Variants in MYO3A observed in about 807,000 individuals in gnomAD.
MYO3A encodes the protein myosin-IIIa.
MYO3A carries 180 observed loss-of-function variants against 192.7 expected under a neutral mutation model. The observed-to-expected ratio is 0.93, with a 90% CI of 0.83 to 1.06. The LOEUF (loss-of-function observed/expected upper bound fraction) is 1.06. Ranked by LOEUF, MYO3A falls within the 50% of genes least tolerant of loss-of-function variation. The probability of loss-of-function intolerance (pLI) is 0.00; values close to 1 mark genes in which losing one functional copy is unlikely to be tolerated. For synonymous variants in MYO3A, 628 were observed against 645.3 expected, an observed-to-expected ratio of 0.97 and a Z score of 0.41; for missense variants, 1,896 against 1,905.0, an observed-to-expected ratio of 1.00 and a Z score of 0.09.
intron 10 of MYO3A, among the ~76,000 whole-genome samples, chr10:26,064,853 G>A (rs1475080973): frequency 6.6e-6 from 1 of 152,196 alleles, no homozygotes; most frequent in Admixed American, 6.5e-5. Flanking sequence ...TAGGTTTGGA[G>A]ACAGAGTATT....
chr10:26,164,166 A>T (rs1003797930), intron 26 of MYO3A, among the ~76,000 whole-genome samples: 3 of 151,976 alleles, frequency 2.0e-5, no homozygotes, highest in Non-Finnish European at 4.4e-5. Flanking sequence ...TGGGAAGTGA[A>T]GACGATTATT....
intron 28 of MYO3A, 46 bp downstream of exon 28, chr10:26,168,920 A>G (rs943477194): frequency 1.9e-6 from 3 of 1,557,944 alleles, no homozygotes; most frequent in Non-Finnish European, 2.6e-6. Context: ...ATCAAATCTT[A>G]TAATACTTCT....
At chr10:26,139,928 A>G (rs1840056946) in intron 20 of MYO3A, among the ~76,000 whole-genome samples, 2 of 152,170 alleles carry the variant, frequency 1.3e-5, no homozygotes, top group South Asian at 2.1e-4. Flanking sequence ...TGCCTGTAAA[A>G]TGTTCATACC....
intron 34 of MYO3A, among the ~76,000 whole-genome samples, chr10:26,207,543 C>T (rs982634050): frequency 2.6e-5 from 4 of 152,168 alleles, no homozygotes; most frequent in African/African-American, 9.7e-5. Flanking sequence ...ACTGTCCTTT[C>T]CCCATTGTGT....
At chr10:25,962,664 A>C (rs1340696169) in intron 4 of MYO3A, among the ~76,000 whole-genome samples, 1 of 152,088 alleles carries the variant, frequency 6.6e-6, no homozygotes, top group African/African-American at 2.4e-5. Flanking sequence ...TTGACTTTGC[A>C]CTGCCTTTTA....
chr10:25,949,166 T>A (rs1837045049), intron 2 of MYO3A, among the ~76,000 whole-genome samples: 2 of 152,132 alleles, frequency 1.3e-5, no homozygotes, highest in Non-Finnish European at 2.9e-5. Context: ...GTTACATGTT[T>A]ATTAATCTAT....
chr10:26,062,530 A>AAAAAAAAAAAAAAAAAGAAAAAAAAAAG (rs1554816581), intron 10 of MYO3A, among the ~76,000 whole-genome samples: 1 of 125,946 alleles, frequency 7.9e-6, no homozygotes, highest in Non-Finnish European at 1.7e-5. Context: ...AAAAAAAAAA[A>AAAAAAAAAAAAAAAAAGAAAAAAAAAAG]AAATTATGGA....
chr10:26,128,388 T>A lies in MYO3A; in HGVS notation c.2115-3T>A. On this transcript the variant is annotated splice_polypyrimidine_tract_variant and splice_region_variant and intron_variant, in intron 19 of 34. Transcript: ENST00000642920. The stretch of plus-strand genomic sequence containing the variant: ...CAAAATAATGCCTCTTCAATTCTTC[T>A]AGTGGGAATGGTGATGAGCTGAGCA... 6.2e-7 allele frequency: 1 copy of A among 1,612,572 alleles called. No individual in the cohort carries two copies.
chr10:26,062,527 A>AACAAAAAAAC (rs1564509936), intron 10 of MYO3A, among the ~76,000 whole-genome samples: 1 of 117,258 alleles, frequency 8.5e-6, no homozygotes, highest in Admixed American at 8.1e-5. Flanking sequence ...AAAAAAAAAA[A>AACAAAAAAAC]AAAAAATTAT....
intron 22 of MYO3A, 135 bp downstream of exon 22, chr10:26,145,669 C>T: frequency 1.3e-6 from 1 of 776,778 alleles, no homozygotes; most frequent in Admixed American, 2.0e-5. Context: ...CCCCCACTGG[C>T]CCTAATTATG....
intron 20 of MYO3A, among the ~76,000 whole-genome samples, chr10:26,137,876 T>G (rs1169162666): frequency 6.6e-6 from 1 of 152,208 alleles, no homozygotes; most frequent in Admixed American, 6.5e-5. Flanking sequence ...CTGGTAAATT[T>G]GAGGTCAGAC....
intron 2 of MYO3A, among the ~76,000 whole-genome samples, chr10:25,949,835 A>G (rs1422951398): frequency 6.6e-6 from 1 of 152,154 alleles, no homozygotes; most frequent in Non-Finnish European, 1.5e-5. Flanking sequence ...ACAGCTATAT[A>G]TTTAACATTT....
intron 7 of MYO3A, among the ~76,000 whole-genome samples, chr10:26,018,582 A>G (rs955901770): frequency 6.6e-6 from 1 of 152,208 alleles, no homozygotes; most frequent in South Asian, 2.1e-4. Flanking sequence ...ATTAAATTCT[A>G]TATCAAAAGT....
chr10:26,009,404 A>T (rs114720342), intron 6 of MYO3A, among the ~76,000 whole-genome samples: 1,804 of 152,240 alleles, frequency 0.012, 46 homozygotes, highest in African/African-American at 0.041. Context: ...TAAATTTTTT[A>T]AAAAAGGCCA....
chr10:26,122,432 G>GTT (rs1424634305), intron 18 of MYO3A, among the ~76,000 whole-genome samples: 1 of 152,120 alleles, frequency 6.6e-6, no homozygotes, highest in Non-Finnish European at 1.5e-5. Flanking sequence ...TTTCCATATG[G>GTT]TTTTACAAGA....
intron 4 of MYO3A, among the ~76,000 whole-genome samples, chr10:25,988,021 A>G (rs1839760736): frequency 6.6e-6 from 1 of 152,240 alleles, no homozygotes; most frequent in East Asian, 1.9e-4. Context: ...CTACTCAGCC[A>G]TAAAAGGGAA....
At chr10:25,937,568 A>T (rs1349126905) in intron 2 of MYO3A, among the ~76,000 whole-genome samples, 1 of 152,202 alleles carries the variant, frequency 6.6e-6, no homozygotes, top group East Asian at 1.9e-4. Flanking sequence ...TTTTAGGTTT[A>T]TACTAAAACT....
At chr10:26,173,055 GA>G (rs35552865) in intron 29 of MYO3A, among the ~76,000 whole-genome samples, 2,269 of 139,966 alleles carry the variant, frequency 0.016, 63 homozygotes, top group African/African-American at 0.051. Flanking sequence ...CCTTTGGCTA[GA>G]AAAAAAAAAA....
At chr10:26,019,167 CAACCATT>C (rs1842142083) in intron 7 of MYO3A, among the ~76,000 whole-genome samples, 1 of 152,000 alleles carries the variant, frequency 6.6e-6, no homozygotes, top group African/African-American at 2.4e-5. Flanking sequence ...CTACTCTAAG[CAACCATT>C]AATCTATTTT....
Sources: gnomAD v4.1 joint callset for allele counts (sites outside exome capture counted in the v4.1 genomes callset) on GRCh38, gnomAD v4.1.1 for gene constraint, MANE v1.5 for transcripts, NCBI Gene and HGNC (gene_info 2026-07-23, HGNC 2026-07-21) for gene names.